KDM4A: variants seen among roughly 807,000 people sequenced by gnomAD.
KDM4A encodes the protein lysine demethylase 4A, also known as lysine-specific demethylase 4A.
A neutral mutation model predicts 127.1 loss-of-function variants in KDM4A; 23 were observed. The observed-to-expected ratio is 0.18, with a 90% CI of 0.13 to 0.26. The LOEUF is 0.26. Ranked by LOEUF, KDM4A falls within the 10% of genes least tolerant of loss-of-function variation. KDM4A has a pLI of 1.00. For missense variants in KDM4A, 890 were observed against 1,329.1 expected, an observed-to-expected ratio of 0.67 and a Z score of 5.14; for synonymous variants, 443 against 466.5, an observed-to-expected ratio of 0.95 and a Z score of 0.65.
At chr1:43,662,870 C>G in intron 4 of KDM4A, 24 bp from the exon 5 acceptor site, 4 of 1,583,064 alleles carry the variant, frequency 2.5e-6, no homozygotes, top group Admixed American at 1.7e-5. Context: ...TGTAACTTGC[C>G]CTGGACTGTC....
chr1:43,683,128 C>T (rs1660894174), intron 11 of KDM4A, among the ~76,000 whole-genome samples: 1 of 152,240 alleles, frequency 6.6e-6, no homozygotes, highest in South Asian at 2.1e-4. Flanking sequence ...CAGCAGCTAA[C>T]TGAGGAATGA....
At position 43,674,827 on chromosome 1, in the gene KDM4A, G is replaced by A. The variant is rs183202936; in HGVS notation, c.1734+2952G>A. 2.0e-3 allele frequency among the ~76,000 whole-genome samples: 309 copies of A among 152,184 alleles called. 1 individual carries two copies. The highest frequency in any genetic ancestry group is 3.2e-3 in the Non-Finnish European group (216 of 68,002). ...CCTGGCCTACTCATTTACTCTTGAT[G>A]TCTCCAGGCCCCTCTAGAGGCAAAG... On this transcript the variant is annotated intron_variant, in intron 11 of 21. Coordinates refer to ENST00000372396, the MANE Select transcript of KDM4A (RefSeq NM_014663.3).
At chr1:43,701,850 C>CA (rs1483593184) in intron 19 of KDM4A, among the ~76,000 whole-genome samples, 1 of 152,196 alleles carries the variant, frequency 6.6e-6, no homozygotes, top group Non-Finnish European at 1.5e-5. Context: ...ATTCACAACT[C>CA]AAACAACACA....
rs640762 is a variant in KDM4A, at chr1:43,655,680, G to T, written c.228G>T (p.Thr76=). ...VIPAPIQQLV[T]GQSGLFTQYN... ...CTGCCCCCATTCAACAGCTGGTGAC[G>T]GGGCAGTCTGGCCTCTTTACTCAGT... Residue 76 remains threonine (T), a synonymous_variant, in exon 3 of 22, where the codon ACG becomes ACT. Coordinates refer to ENST00000372396, the MANE Select transcript of KDM4A (RefSeq NM_014663.3). 6,012 of 1,613,886 alleles carry T rather than the reference G, an allele frequency of 3.7e-3. 206 individuals carry two copies. In the African/African-American group the frequency reaches 0.072, roughly 19 times the overall value.
Position 43,693,878 on chromosome 1 carries a change from T to A in KDM4A, c.2376-116T>A. The A allele has an allele frequency of 1.3e-6, 1 of 744,828 alleles. No homozygotes were observed. Among genetic ancestry groups the A allele is most frequent in the East Asian group, 2.6e-5 (1 of 39,214 alleles). The allele number at this position is 744,828 out of a possible 1,614,324, so 46.1% of individuals were successfully genotyped here. Reference sequence around the variant, plus strand: ...ACCTTCCTGGGTCCCAGGCATGTGCTGGTGGAAGTCAGTGGTCACCCAGGT... The same window carrying A: ...ACCTTCCTGGGTCCCAGGCATGTGCAGGTGGAAGTCAGTGGTCACCCAGGT... On this transcript the variant is annotated intron_variant, in intron 16 of 21. Coordinates refer to ENST00000372396, the MANE Select transcript of KDM4A (RefSeq NM_014663.3). This position sits in a 1 kb window ranked among gnomAD's most constrained non-coding sequence, Gnocchi z 4.2.
At chr1:43,657,756 T>C (rs866105113) in intron 3 of KDM4A, among the ~76,000 whole-genome samples, 5 of 148,196 alleles carry the variant, frequency 3.4e-5, no homozygotes, top group Non-Finnish European at 7.5e-5. Context: ...TTTTCTTTTT[T>C]TTTTTTTTTT....
chr1:43,701,610 T>C (rs373203717), intron 19 of KDM4A, among the ~76,000 whole-genome samples: 1 of 152,130 alleles, frequency 6.6e-6, no homozygotes, highest in Non-Finnish European at 1.5e-5. Context: ...TCCTCAGCCT[T>C]CCGAGTAACT....
intron 11 of KDM4A, among the ~76,000 whole-genome samples, chr1:43,676,011 G>T (rs1188610499): frequency 6.6e-6 from 1 of 151,538 alleles, no homozygotes; most frequent in Non-Finnish European, 1.5e-5. Flanking sequence ...GTGGTGGGGG[G>T]CGGAGGTTGC....
chr1:43,680,066 CTG>C (rs932000565), intron 11 of KDM4A, among the ~76,000 whole-genome samples: 9 of 152,318 alleles, frequency 5.9e-5, no homozygotes, highest in Non-Finnish European at 1.5e-5. Flanking sequence ...AATTTAGAAA[CTG>C]GAGCAATCCC....
intron 2 of KDM4A, among the ~76,000 whole-genome samples, chr1:43,654,118 T>TA (rs1290371971): frequency 6.6e-6 from 1 of 152,228 alleles, no homozygotes; most frequent in African/African-American, 2.4e-5. Context: ...TATCTGCAGA[T>TA]ACGGCTACTG....
At chr1:43,674,857 T>A (rs368732896) in intron 11 of KDM4A, among the ~76,000 whole-genome samples, 1 of 152,102 alleles carries the variant, frequency 6.6e-6, no homozygotes, top group Non-Finnish European at 1.5e-5. Context: ...GCAAAGCATT[T>A]CCATGGAAGC....
intron 9 of KDM4A, 81 bp downstream of exon 9, chr1:43,668,100 C>A (rs1660539323): frequency 4.6e-6 from 7 of 1,530,168 alleles, no homozygotes; most frequent in Non-Finnish European, 6.2e-6. Flanking sequence ...GAGGCTGTTT[C>A]TTGTTTTTTT....
At chr1:43,685,640 CG>C (rs1298176723) in intron 12 of KDM4A, among the ~76,000 whole-genome samples, 10 of 151,998 alleles carry the variant, frequency 6.6e-5, no homozygotes, top group Non-Finnish European at 1.3e-4. Flanking sequence ...TGGTGGTGAG[CG>C]CCTGTAGTCC....
intron 6 of KDM4A, 120 bp from the exon 7 acceptor site, chr1:43,666,332 G>A (rs1660501321): frequency 1.3e-6 from 1 of 753,718 alleles, no homozygotes; most frequent in African/African-American, 1.8e-5. Context: ...GATCCTCAGA[G>A]GTCACATTGG....
intron 12 of KDM4A, among the ~76,000 whole-genome samples, chr1:43,684,182 G>A (rs975453867): frequency 6.6e-6 from 1 of 152,174 alleles, no homozygotes; most frequent in Non-Finnish European, 1.5e-5. Context: ...CAGGGTGGTG[G>A]GGAAACTGGA....
chr1:43,676,664 CTTTG>C (rs1201699356), intron 11 of KDM4A, among the ~76,000 whole-genome samples: 3 of 152,024 alleles, frequency 2.0e-5, no homozygotes, highest in Non-Finnish European at 2.9e-5. Context: ...TCCATATTTG[CTTTG>C]TTTGTCCTGT....
At chr1:43,690,666 C>G (rs1161450445) in intron 13 of KDM4A, 179 bp from the exon 14 acceptor site, 2 of 664,638 alleles carry the variant, frequency 3.0e-6, no homozygotes, top group African/African-American at 1.8e-5. Context: ...CTGTGAGAAA[C>G]TGAATTTGAG....
chr1:43,683,023 T>C (rs1312988010), intron 11 of KDM4A, among the ~76,000 whole-genome samples: 2 of 152,258 alleles, frequency 1.3e-5, no homozygotes, highest in African/African-American at 4.8e-5. Context: ...TCTGACATTA[T>C]GTAAATGCAG....
chr1:43,674,162 C>T (rs1408094648), intron 11 of KDM4A, among the ~76,000 whole-genome samples: 1 of 152,130 alleles, frequency 6.6e-6, no homozygotes, highest in African/African-American at 2.4e-5. Context: ...AGACTGGTCT[C>T]GAAATCCTGG....
Sources: gnomAD v4.1 joint callset for allele counts (sites outside exome capture counted in the v4.1 genomes callset) on GRCh38, gnomAD v4.1.1 for gene constraint, Gnocchi (gnomAD v3.1) non-coding constraint, MANE v1.5 for transcripts, NCBI Gene and HGNC (gene_info 2026-07-23, HGNC 2026-07-21) for gene names.